Variants in CBFA2T3 observed in about 807,000 individuals in gnomAD.
The protein encoded by CBFA2T3 is CBFA2/RUNX1 partner transcriptional co-repressor 3.
CBFA2T3 carries 31 observed loss-of-function variants against 58.6 expected under a neutral mutation model. That is an observed-to-expected ratio of 0.53 (90% confidence interval 0.40 to 0.71). CBFA2T3 has a LOEUF of 0.71. CBFA2T3 is among the 30% of genes least tolerant of loss of function. CBFA2T3 has a pLI of 0.00. For synonymous variants in CBFA2T3, 531 were observed against 421.9 expected (o/e 1.26, Z -3.17); for missense variants, 1,076 against 963.1 (o/e 1.12, Z -1.55).
At chr16:88,976,383 G>A (rs917393453) in intron 1 of CBFA2T3, among the ~76,000 whole-genome samples, 17 of 151,478 alleles carry the variant, frequency 1.1e-4, no homozygotes, top group South Asian at 1.0e-3. Flanking sequence ...CCTCCTAGAC[G>A]GGGCTGAGCA....
chr16:88,877,357 C>A (rs1309996272), intron 11 of CBFA2T3, 82 bp from the exon 12 acceptor site: 33 of 1,133,342 alleles, frequency 2.9e-5, no homozygotes, highest in South Asian at 1.5e-5. Flanking sequence ...GCCATTCAGA[C>A]CCAGCCACGT....
intron 1 of CBFA2T3, among the ~76,000 whole-genome samples, chr16:88,926,694 C>T (rs1167346623): frequency 1.3e-5 from 2 of 152,238 alleles, no homozygotes; most frequent in Non-Finnish European, 2.9e-5. Context: ...CCCGTGCGTG[C>T]CAGGGTGGGG....
intron 1 of CBFA2T3, among the ~76,000 whole-genome samples, chr16:88,905,731 G>A (rs1182038321): frequency 1.5e-5 from 2 of 134,312 alleles, no homozygotes; most frequent in African/African-American, 6.1e-5. Flanking sequence ...GGCTGAAGGA[G>A]GGGCGGGACT....
chr16:88,928,183 T>A (rs903734653), intron 1 of CBFA2T3, among the ~76,000 whole-genome samples: 4 of 152,200 alleles, frequency 2.6e-5, no homozygotes, highest in Non-Finnish European at 4.4e-5. Context: ...CAGGGTTGCC[T>A]CACGCCTCTG....
At chr16:88,967,104 CCCCCAA>C (rs887436777) in intron 1 of CBFA2T3, among the ~76,000 whole-genome samples, 23 of 122,512 alleles carry the variant, frequency 1.9e-4, no homozygotes, top group East Asian at 1.1e-3. Context: ...GTGTGTGCCA[CCCCCAA>C]CCCCCAACCC....
intron 5 of CBFA2T3, 166 bp from the exon 6 acceptor site, chr16:88,886,308 G>A (rs1185552051): frequency 4.6e-6 from 2 of 439,440 alleles, no homozygotes; most frequent in South Asian, 4.6e-5. Flanking sequence ...TCCTAGCAGT[G>A]CCATGGGAGG....
chr16:88,890,312 C>A (rs563464862), intron 5 of CBFA2T3, among the ~76,000 whole-genome samples: 1 of 152,238 alleles, frequency 6.6e-6, no homozygotes, highest in Non-Finnish European at 1.5e-5. Flanking sequence ...GAACTGGCCT[C>A]ACCCAGGGGC....
chr16:88,890,141 T>C (rs1320802160), intron 5 of CBFA2T3, among the ~76,000 whole-genome samples: 1 of 152,094 alleles, frequency 6.6e-6, no homozygotes, highest in African/African-American at 2.4e-5. Context: ...ATCTAGAACA[T>C]GCCTCACCTC....
chr16:88,977,167 GGCCCTGCCCTGCGCGGCCTTCCC>G lies in CBFA2T3; in HGVS notation c.-383_-361del. On this transcript the variant is annotated 5_prime_UTR_variant, in exon 1 of 12. It removes the in-frame stop codon of an upstream open reading frame in the 5' UTR. Transcript: ENST00000268679. ...CACTTCCCTGACAGGAACCATCTGG[GGCCCTGCCCTGCGCGGCCTTCCC>G]TCGGGCCATTCCGGTTTGACCTTCC... 3.5e-6 allele frequency: 1 copy of G among 287,134 alleles called. No individual in the cohort carries two copies. Among genetic ancestry groups the G allele is most frequent in the South Asian group, 1.0e-4 (1 of 9,942 alleles). 17.8% of individuals were successfully genotyped at this position (287,134 alleles called of 1,614,324 possible).
chr16:88,957,525 C>T (rs562406756), intron 1 of CBFA2T3: 60 of 152,430 alleles, frequency 3.9e-4, no homozygotes, highest in African/African-American at 1.4e-3. Context: ...AGACACATCC[C>T]CTTGCTGACC....
At chr16:88,942,329 G>A (rs1439579902) in intron 1 of CBFA2T3, among the ~76,000 whole-genome samples, 1 of 152,216 alleles carries the variant, frequency 6.6e-6, no homozygotes, top group African/African-American at 2.4e-5. Flanking sequence ...AGCGGCTGGG[G>A]GGCCCAGGGG....
intron 1 of CBFA2T3, chr16:88,939,182 G>C (rs1971617731): frequency 7.2e-6 from 1 of 139,598 alleles, no homozygotes; most frequent in African/African-American, 2.4e-5. Flanking sequence ...CGGGCGGCAG[G>C]GGAAGAGCTC....
intron 1 of CBFA2T3, among the ~76,000 whole-genome samples, chr16:88,931,031 T>TA (rs1346352918): frequency 6.6e-6 from 1 of 151,876 alleles, no homozygotes; most frequent in African/African-American, 2.4e-5. Flanking sequence ...TTCCCACAAT[T>TA]AAAAAAACAG....
intron 1 of CBFA2T3, among the ~76,000 whole-genome samples, chr16:88,942,107 G>T (rs1272697744): frequency 6.6e-6 from 1 of 152,178 alleles, no homozygotes; most frequent in African/African-American, 2.4e-5. Flanking sequence ...CATATCGTGC[G>T]TTTCATGTCC....
chr16:88,907,084 G>A (rs1007079274), intron 1 of CBFA2T3, among the ~76,000 whole-genome samples: 8 of 152,148 alleles, frequency 5.3e-5, no homozygotes, highest in Non-Finnish European at 1.2e-4. Flanking sequence ...AGCTCGAAGT[G>A]CCCATGAAAG....
chr16:88,970,479 GC>G (rs1289679934), intron 1 of CBFA2T3, among the ~76,000 whole-genome samples: 1 of 152,220 alleles, frequency 6.6e-6, no homozygotes, highest in African/African-American at 2.4e-5. Context: ...GCCCACCCCA[GC>G]CCCGCTGTGT....
intron 5 of CBFA2T3, 66 bp from the exon 6 acceptor site, chr16:88,886,208 A>T: frequency 8.0e-7 from 1 of 1,244,576 alleles, no homozygotes; most frequent in Non-Finnish European, 1.1e-6. Flanking sequence ...AGGTCCGAGC[A>T]GAGGGGGCCT....
rs187297328 is a variant in CBFA2T3, at chr16:88,904,148, C to T, written c.152-2492G>A. 6.1e-3 allele frequency among the ~76,000 whole-genome samples: 924 copies of T among 152,304 alleles called. 21 individuals carry two copies. Among genetic ancestry groups the T allele is most frequent in the Non-Finnish European group, 1.8e-3 (123 of 68,014 alleles). ...TGCGTGCTCGTGACACTCTGGATCC[C>T]GAAGCTAGAGCAGACAGTGCCCTGC... On this transcript the variant is annotated intron_variant, in intron 1 of 11. Coordinates refer to ENST00000268679, the MANE Select transcript of CBFA2T3 (RefSeq NM_005187.6).
intron 11 of CBFA2T3, among the ~76,000 whole-genome samples, chr16:88,878,066 T>C (rs114737781): frequency 0.012 from 1,769 of 152,304 alleles, 32 homozygotes; most frequent in African/African-American, 0.04. Flanking sequence ...CTCCAGGCCC[T>C]GGCCCCTGCC....
Sources: allele counts gnomAD v4.1 joint callset (sites outside exome capture counted in the v4.1 genomes callset), GRCh38; gene constraint gnomAD v4.1.1; transcripts MANE v1.5; gene names NCBI Gene and HGNC (gene_info 2026-07-23, HGNC 2026-07-21).